DLG2: variants seen among roughly 807,000 people sequenced by gnomAD.
The protein encoded by DLG2 is discs large MAGUK scaffold protein 2.
Under a neutral mutation model 132.5 loss-of-function variants are expected in DLG2, and 45 were observed. The observed-to-expected ratio is 0.34, with a 90% CI of 0.27 to 0.44. DLG2 has a LOEUF of 0.44. DLG2 is among the 20% of genes least tolerant of loss of function. The pLI is 1.00. For missense variants in DLG2, 1,045 were observed against 1,196.9 expected (o/e 0.87, Z 1.87); for synonymous variants, 424 against 419.6 (o/e 1.01, Z -0.13).
chr11:84,345,359 C>T (rs373706309), intron 7 of DLG2, among the ~76,000 whole-genome samples: 1 of 152,112 alleles, frequency 6.6e-6, no homozygotes, highest in African/African-American at 2.4e-5. Context: ...AAATACTAAG[C>T]CCTTAACAAA....
At chr11:83,494,453 A>G (rs1444011736) in intron 21 of DLG2, among the ~76,000 whole-genome samples, 3 of 151,306 alleles carry the variant, frequency 2.0e-5, no homozygotes, top group Non-Finnish European at 4.4e-5. Context: ...TTAGGTACTT[A>G]CCTGAGGCTA....
intron 20 of DLG2, among the ~76,000 whole-genome samples, chr11:83,535,383 C>G (rs1216290799): frequency 6.6e-6 from 1 of 152,162 alleles, no homozygotes; most frequent in African/African-American, 2.4e-5. Context: ...TACAGAATGT[C>G]AGGAGGAACT....
At chr11:84,766,241 T>C (rs1178209782) in intron 6 of DLG2, among the ~76,000 whole-genome samples, 1 of 152,032 alleles carries the variant, frequency 6.6e-6, no homozygotes, top group Non-Finnish European at 1.5e-5. Flanking sequence ...TTCTATGATA[T>C]AGGAACTGAT....
intron 7 of DLG2, among the ~76,000 whole-genome samples, chr11:84,304,990 CAACT>C (rs2098199403): frequency 6.6e-6 from 1 of 152,050 alleles, no homozygotes; most frequent in African/African-American, 2.4e-5. Context: ...ATAGATGATA[CAACT>C]GACTACACAT....
Position 84,521,448 on chromosome 11 carries a change from C to T in DLG2, c.519+13122G>A, listed in dbSNP as rs138893625. On this transcript the variant is annotated intron_variant, in intron 7 of 27. Coordinates refer to ENST00000376104, the MANE Select transcript of DLG2 (RefSeq NM_001142699.3). ...CTGCCTTGGGAAAGTCTCATAACAG[C>T]TGTGATTCTTAGTTGCTTTATTTGT... 6.5e-4 allele frequency among the ~76,000 whole-genome samples: 99 copies of T among 152,312 alleles called. 1 individual carries two copies. The highest frequency in any genetic ancestry group is 2.2e-3 in the African/African-American group (93 of 41,560).
At chr11:84,110,353 C>A (rs554746845) in intron 9 of DLG2, among the ~76,000 whole-genome samples, 1 of 152,176 alleles carries the variant, frequency 6.6e-6, no homozygotes, top group African/African-American at 2.4e-5. Context: ...TCCCCACACC[C>A]CAGAGAAGCC....
At chr11:85,240,593 T>C (rs2075826843) in intron 4 of DLG2, among the ~76,000 whole-genome samples, 1 of 151,872 alleles carries the variant, frequency 6.6e-6, no homozygotes, top group African/African-American at 2.4e-5. Context: ...TTGATCTTTG[T>C]GTTTGATGGA....
chr11:83,630,366 G>C (rs190790398), intron 19 of DLG2, among the ~76,000 whole-genome samples: 3 of 152,206 alleles, frequency 2.0e-5, no homozygotes, highest in East Asian at 1.9e-4. Context: ...GGGTATGGGA[G>C]GTAAATCCAA....
intron 8 of DLG2, among the ~76,000 whole-genome samples, chr11:84,224,714 G>T (rs1271856571): frequency 6.6e-6 from 1 of 152,162 alleles, no homozygotes; most frequent in East Asian, 1.9e-4. Context: ...TTGAGTCAAT[G>T]CTCTTAACTA....
intron 6 of DLG2, among the ~76,000 whole-genome samples, chr11:84,756,296 T>A (rs929153473): frequency 6.6e-6 from 1 of 152,244 alleles, no homozygotes; most frequent in Non-Finnish European, 1.5e-5. Flanking sequence ...CAAAATGTTA[T>A]GTAAATTCTA....
At chr11:83,945,806 C>CTGTGTGTGTGTGTGTGTGTG (rs56913664) in intron 14 of DLG2, among the ~76,000 whole-genome samples, 1 of 136,288 alleles carries the variant, frequency 7.3e-6, no homozygotes, top group Non-Finnish European at 1.6e-5. Context: ...AGAAATGCCT[C>CTGTGTGTGTGTGTGTGTGTG]TGTGTGTGTG....
At chr11:84,473,327 A>T (rs940778194) in intron 7 of DLG2, among the ~76,000 whole-genome samples, 3 of 151,956 alleles carry the variant, frequency 2.0e-5, no homozygotes, top group African/African-American at 7.2e-5. Flanking sequence ...GCCTAGGTGA[A>T]TCTAACAGCA....
intron 6 of DLG2, among the ~76,000 whole-genome samples, chr11:85,065,985 G>C (rs147399551): frequency 3.3e-5 from 5 of 151,482 alleles, no homozygotes; most frequent in African/African-American, 1.2e-4. Flanking sequence ...ACAAAAGTGA[G>C]ATAATAAATG....
intron 11 of DLG2, among the ~76,000 whole-genome samples, chr11:84,006,886 A>G (rs1041979665): frequency 1.3e-5 from 2 of 151,696 alleles, no homozygotes; most frequent in Non-Finnish European, 3.0e-5. Flanking sequence ...ACTGTTTGTC[A>G]TATCTTCTTC....
At chr11:85,240,368 T>C (rs2075816205) in intron 4 of DLG2, among the ~76,000 whole-genome samples, 1 of 151,874 alleles carries the variant, frequency 6.6e-6, no homozygotes, top group South Asian at 2.1e-4. Context: ...CATCTAATTG[T>C]TTGTAACTTG....
chr11:85,208,807 C>T (rs1387735901), intron 4 of DLG2, among the ~76,000 whole-genome samples: 2 of 152,024 alleles, frequency 1.3e-5, no homozygotes, highest in Admixed American at 1.3e-4. Context: ...CAGCACACTC[C>T]CTCCTCAATG....
chr11:84,058,466 G>A (rs2154129883), intron 11 of DLG2, among the ~76,000 whole-genome samples: 1 of 148,552 alleles, frequency 6.7e-6, no homozygotes, highest in Admixed American at 6.8e-5. Flanking sequence ...GACCAGCCTG[G>A]GCAACAAAGC....
intron 3 of DLG2, among the ~76,000 whole-genome samples, chr11:85,373,649 G>A (rs1315670153): frequency 1.3e-5 from 2 of 152,116 alleles, no homozygotes; most frequent in African/African-American, 2.4e-5. Flanking sequence ...CAATTCAAGA[G>A]GCAGGCAGGA....
At chr11:84,214,284 T>TGA (rs2096804144) in intron 8 of DLG2, among the ~76,000 whole-genome samples, 1 of 147,366 alleles carries the variant, frequency 6.8e-6, no homozygotes, top group African/African-American at 2.5e-5. Flanking sequence ...CATATATGAA[T>TGA]ATATATATGA....
Sources: allele counts gnomAD v4.1 joint callset (sites outside exome capture counted in the v4.1 genomes callset), GRCh38; gene constraint gnomAD v4.1.1; transcripts MANE v1.5; gene names NCBI Gene and HGNC (gene_info 2026-07-23, HGNC 2026-07-21).